BTD: variants seen among roughly 807,000 people sequenced by gnomAD.
The protein encoded by BTD is biotinidase, also known as biocytinase.
In BTD, 13 loss-of-function variants were observed where a neutral mutation model predicts 17.7. The observed-to-expected ratio is 0.74, with a 90% confidence interval of 0.48 to 1.17. BTD has a LOEUF of 1.17. Ranked by LOEUF, BTD falls within the 50% of genes most tolerant of loss-of-function variation. The pLI is 0.00. For missense variants in BTD, 674 were observed against 650.4 expected, an observed-to-expected ratio of 1.04 and a Z score of -0.39; for synonymous variants, 240 against 245.2, an observed-to-expected ratio of 0.98 and a Z score of 0.20.
chr3:15,626,959 TACTC>T (rs758912082), intron 1 of BTD, among the ~76,000 whole-genome samples: 1 of 152,064 alleles, frequency 6.6e-6, no homozygotes, highest in African/African-American at 2.4e-5. Flanking sequence ...TGCAAATAGT[TACTC>T]ATTTGACCAA....
chr3:15,649,430 C>G lies in BTD; in HGVS notation c.*3942C>G, dbSNP rs1365539032. Among the ~76,000 whole-genome samples, 3 of 152,218 alleles carry G rather than the reference C, an allele frequency of 2.0e-5. No individual in the cohort carries two copies. Among genetic ancestry groups the G allele is most frequent in the Non-Finnish European group, 4.4e-5 (3 of 68,032 alleles). On this transcript the variant is annotated 3_prime_UTR_variant, in exon 4 of 4. Coordinates refer to ENST00000643237, the MANE Select transcript of BTD (RefSeq NM_001370658.1). ...GGGTGTTAGATGCCCAGAGGTGAAC[C>G]TCATTGGGTACCATCCTGCAGGTGG...
At chr3:15,653,950 A>C (rs2065843278), downstream of BTD, among the ~76,000 whole-genome samples, 1 of 152,196 alleles carries the variant, frequency 6.6e-6, no homozygotes, top group Non-Finnish European at 1.5e-5. Context: ...GGCCAGGCTG[A>C]ATCTCAAGTG....
chr3:15,720,346 T>C (rs1361403616), intron 4 of BTD, among the ~76,000 whole-genome samples: 1 of 152,220 alleles, frequency 6.6e-6, no homozygotes, highest in Admixed American at 6.5e-5. Context: ...ATTGTACCAC[T>C]AGTATTTTAC....
At chr3:15,692,083 T>C (rs1190330844) in intron 3 of BTD, among the ~76,000 whole-genome samples, 2 of 147,320 alleles carry the variant, frequency 1.4e-5, no homozygotes, top group South Asian at 2.1e-4. Context: ...CAGGCTGCAG[T>C]GAGCTGGGAA....
At chr3:15,695,149 C>T in intron 3 of BTD, 1 of 1,522,664 alleles carries the variant, frequency 6.6e-7, no homozygotes, top group Non-Finnish European at 9.1e-7. Flanking sequence ...AGGGAACTGA[C>T]CAATACTAAT....
chr3:15,710,277 A>C (rs1003174854), exon 4 of BTD, among the ~76,000 whole-genome samples: 2 of 151,878 alleles, frequency 1.3e-5, no homozygotes, highest in Non-Finnish European at 2.9e-5. Context: ...GGAGGAAAGG[A>C]TATAACTTAA....
chr3:15,656,493 T>C (rs2065872848), downstream of BTD, among the ~76,000 whole-genome samples: 1 of 152,210 alleles, frequency 6.6e-6, no homozygotes, highest in Non-Finnish European at 1.5e-5. Flanking sequence ...AACTGCCTGG[T>C]CTCCTTTGTT....
chr3:15,721,111 G>A (rs746638686), intron 4 of BTD: 30 of 1,610,550 alleles, frequency 1.9e-5, no homozygotes, highest in Non-Finnish European at 2.5e-5. Context: ...ATTTCCATAG[G>A]CATTTGGTTC....
chr3:15,679,507 C>T, intron 3 of BTD: 1 of 1,613,846 alleles, frequency 6.2e-7, no homozygotes, highest in East Asian at 2.2e-5. Flanking sequence ...AAAGCATTTC[C>T]TTCCGTTTTC....
intron 2 of BTD, among the ~76,000 whole-genome samples, chr3:15,641,551 C>T (rs894212912): frequency 6.6e-6 from 1 of 152,190 alleles, no homozygotes; most frequent in African/African-American, 2.4e-5. Flanking sequence ...GTAGTTGGCC[C>T]CATCTCCCCT....
intron 3 of BTD, among the ~76,000 whole-genome samples, chr3:15,703,789 T>A (rs2070961156): frequency 6.6e-6 from 1 of 152,042 alleles, no homozygotes; most frequent in Non-Finnish European, 1.5e-5. Context: ...GACGGAAGAG[T>A]TATGAAGTGC....
intron 3 of BTD, among the ~76,000 whole-genome samples, chr3:15,659,304 G>T (rs1049019264): frequency 4.6e-5 from 7 of 151,692 alleles, no homozygotes; most frequent in Admixed American, 1.3e-4. Flanking sequence ...GACTGAGTGT[G>T]GGGGGGATAA....
At chr3:15,677,467 GATGTAT>G (rs2067064009) in intron 3 of BTD, 1 of 1,585,472 alleles carries the variant, frequency 6.3e-7, no homozygotes, top group Admixed American at 1.7e-5. Context: ...ATATTCTTAA[GATGTAT>G]ACATACCTTG....
intron 1 of BTD, among the ~76,000 whole-genome samples, chr3:15,606,042 C>CAAAA (rs11369757): frequency 3.4e-4 from 22 of 64,866 alleles, no homozygotes; most frequent in African/African-American, 1.2e-3. Flanking sequence ...GACCCTGTCT[C>CAAAA]AAAAAAAAAA....
At chr3:15,643,194 A>T (rs1026676300) in intron 3 of BTD, among the ~76,000 whole-genome samples, 1 of 152,182 alleles carries the variant, frequency 6.6e-6, no homozygotes, top group Non-Finnish European at 1.5e-5. Context: ...TCCTTTGGTC[A>T]ATGCAAGATA....
intron 3 of BTD, among the ~76,000 whole-genome samples, chr3:15,660,611 T>C (rs1051768830): frequency 6.6e-6 from 1 of 152,246 alleles, no homozygotes; most frequent in Non-Finnish European, 1.5e-5. Context: ...ACCGGACATA[T>C]GACTCCATTT....
chr3:15,640,356 T>A (rs1450057535), intron 2 of BTD, among the ~76,000 whole-genome samples: 1 of 151,982 alleles, frequency 6.6e-6, no homozygotes, highest in Non-Finnish European at 1.5e-5. Flanking sequence ...AAATATGATG[T>A]GGCCCCATTA....
intron 3 of BTD, among the ~76,000 whole-genome samples, chr3:15,705,199 G>A (rs112034624): frequency 1.3e-5 from 2 of 152,058 alleles, no homozygotes; most frequent in Non-Finnish European, 2.9e-5. Context: ...GCTCAAAACC[G>A]TTTATATTCA....
chr3:15,676,243 C>T (rs1033556879), intron 3 of BTD: 4 of 368,068 alleles, frequency 1.1e-5, no homozygotes, highest in African/African-American at 2.1e-5. Flanking sequence ...TACCTTCACC[C>T]AATCCTTTTG....
Sources: allele counts gnomAD v4.1 joint callset (sites outside exome capture counted in the v4.1 genomes callset), GRCh38; gene constraint gnomAD v4.1.1; transcripts MANE v1.5; gene names NCBI Gene and HGNC (gene_info 2026-07-23, HGNC 2026-07-21).